The following TRABD2B variants were observed in gnomAD, a reference collection of about 807,000 sequenced individuals.
TRABD2B encodes the protein metalloprotease TIKI2.
A neutral mutation model predicts 40.1 loss-of-function variants in TRABD2B; 14 were observed. The ratio of observed to expected loss-of-function variants is 0.35; its 90% CI spans 0.23 to 0.55. The LOEUF (loss-of-function observed/expected upper bound fraction) is 0.55, where lower values mean the gene tolerates loss of function less well. Ranked by LOEUF, TRABD2B falls within the 20% of genes least tolerant of loss-of-function variation. TRABD2B has a pLI of 0.90. For synonymous variants in TRABD2B, 263 were observed against 277.0 expected (o/e 0.95, Z 0.50); for missense variants, 541 against 648.6 (o/e 0.83, Z 1.80).
intron 2 of TRABD2B, among the ~76,000 whole-genome samples, chr1:47,899,560 T>C (rs1272789468): frequency 1.3e-5 from 2 of 152,182 alleles, no homozygotes; most frequent in Non-Finnish European, 2.9e-5. Context: ...CCCATGAATC[T>C]TGGGAGCAGT....
chr1:47,897,419 G>C lies in TRABD2B; in HGVS notation c.667-95800C>G, dbSNP rs554897023. 1.2e-4 allele frequency among the ~76,000 whole-genome samples: 18 copies of C among 152,270 alleles called. No homozygotes were observed. The East Asian group carries it at 3.3e-3, about 28-fold the overall frequency. On this transcript the variant is annotated intron_variant, in intron 2 of 6. Transcript: ENST00000606738. Reference sequence around the variant, plus strand: ...CCTGCGGAATGGCCCTGATGGATGAGGAGGAGTTCACCGAGCCAAGAAGCA... The same window carrying C: ...CCTGCGGAATGGCCCTGATGGATGACGAGGAGTTCACCGAGCCAAGAAGCA...
chr1:47,885,692 G>A (rs971412674), intron 2 of TRABD2B, among the ~76,000 whole-genome samples: 1 of 152,066 alleles, frequency 6.6e-6, no homozygotes. Flanking sequence ...ACACTTGGAG[G>A]GCAGCAGCCT....
rs559298892 is a variant in TRABD2B at position 47,763,876 on chromosome 1, T to A, written c.*2026A>T. On this transcript the variant is annotated 3_prime_UTR_variant, in exon 7 of 7. Coordinates refer to ENST00000606738, the MANE Select transcript of TRABD2B (RefSeq NM_001194986.2). Reference sequence around the variant, plus strand: ...AGCTAAGCCCCTTCCCGCTCAGAAATAGGAAGTCACATTTTTGCCAAGGAT... The same window carrying A: ...AGCTAAGCCCCTTCCCGCTCAGAAAAAGGAAGTCACATTTTTGCCAAGGAT... 1 of 152,340 alleles carries A rather than the reference T, an allele frequency of 6.6e-6. No individual in the cohort carries two copies. Among genetic ancestry groups the A allele is most frequent in the African/African-American group, 2.4e-5 (1 of 41,568 alleles). 9.4% of individuals were successfully genotyped at this position (152,340 alleles called of 1,614,324 possible).
chr1:47,820,143 T>TC (rs1002666925), intron 2 of TRABD2B: 8 of 152,212 alleles, frequency 5.3e-5, no homozygotes, highest in African/African-American at 1.9e-4. Context: ...GGTAAGACCC[T>TC]CCTTCCATGA....
intron 2 of TRABD2B, among the ~76,000 whole-genome samples, chr1:47,835,970 GT>G (rs1166221541): frequency 5.3e-5 from 8 of 152,192 alleles, no homozygotes; most frequent in Admixed American, 5.2e-4. Context: ...CATAAAAGCA[GT>G]TATAAATCTA....
chr1:47,793,973 CATG>C (rs1351934673), intron 4 of TRABD2B, among the ~76,000 whole-genome samples: 1 of 152,224 alleles, frequency 6.6e-6, no homozygotes, highest in Non-Finnish European at 1.5e-5. Flanking sequence ...TCATCATCAT[CATG>C]ATGATCATTG....
intron 2 of TRABD2B, among the ~76,000 whole-genome samples, chr1:47,849,091 G>A (rs1315497294): frequency 4.6e-5 from 7 of 152,216 alleles, no homozygotes; most frequent in Non-Finnish European, 8.8e-5. Context: ...CAGCAGTTAA[G>A]TGGCTGATAA....
intron 2 of TRABD2B, among the ~76,000 whole-genome samples, chr1:47,828,124 G>A (rs1384451353): frequency 1.3e-5 from 2 of 152,150 alleles, no homozygotes; most frequent in Non-Finnish European, 2.9e-5. Flanking sequence ...GGAGCATAAG[G>A]GCTCAGTCCA....
intron 2 of TRABD2B, among the ~76,000 whole-genome samples, chr1:47,952,548 A>G (rs1645360518): frequency 6.6e-6 from 1 of 152,068 alleles, no homozygotes; most frequent in South Asian, 2.1e-4. Context: ...TGCTCTTTGT[A>G]TGGCAGTTCC....
chr1:47,816,789 A>T (rs936965328), intron 2 of TRABD2B, among the ~76,000 whole-genome samples: 5 of 152,228 alleles, frequency 3.3e-5, no homozygotes, highest in Admixed American at 2.6e-4. Flanking sequence ...GTTTGTCACA[A>T]GTATTTCATT....
rs1644249778 is a variant in TRABD2B at position 47,762,062 on chromosome 1, C to T, written c.*3840G>A. On this transcript the variant is annotated 3_prime_UTR_variant, in exon 7 of 7. Transcript: ENST00000606738. ...TATTGTGATAGATGCTAAGAAAGCA[C>T]AAAGGAATGGGAGGGGGCTTCCTGG... The T allele has an allele frequency of 6.6e-6, 1 of 152,038 alleles. No individual in the cohort carries two copies. The highest frequency in any genetic ancestry group is 1.5e-5 in the Non-Finnish European group (1 of 68,034). 9.4% of individuals were successfully genotyped at this position (152,038 alleles called of 1,614,324 possible). A position where few individuals can be genotyped will look rare whatever the true frequency, so the allele number is the denominator to read the frequency against.
chr1:47,781,450 T>C (rs1261067511), intron 4 of TRABD2B, among the ~76,000 whole-genome samples: 1 of 152,212 alleles, frequency 6.6e-6, no homozygotes, highest in African/African-American at 2.4e-5. Flanking sequence ...GCCCGGCCGA[T>C]GGTGCAGGCC....
chr1:47,801,371 T>C, intron 3 of TRABD2B, 102 bp downstream of exon 3: 2 of 1,255,844 alleles, frequency 1.6e-6, no homozygotes, highest in Non-Finnish European at 2.2e-6. Context: ...GGAATAACGA[T>C]AGCTCCTTCT....
At chr1:47,903,213 G>C (rs1052362636) in intron 2 of TRABD2B, among the ~76,000 whole-genome samples, 2 of 152,132 alleles carry the variant, frequency 1.3e-5, no homozygotes, top group Non-Finnish European at 2.9e-5. Flanking sequence ...GGGCACCCTT[G>C]AGAGTGTACG....
intron 2 of TRABD2B, among the ~76,000 whole-genome samples, chr1:47,802,980 C>T (rs1644842519): frequency 6.6e-6 from 1 of 152,144 alleles, no homozygotes; most frequent in Non-Finnish European, 1.5e-5. Flanking sequence ...GGCTTTCATG[C>T]CTCCAAATAC....
At chr1:47,817,297 C>T (rs1645046865) in intron 2 of TRABD2B, among the ~76,000 whole-genome samples, 1 of 151,980 alleles carries the variant, frequency 6.6e-6, no homozygotes, top group Admixed American at 6.5e-5. Flanking sequence ...ATGGAAGGAG[C>T]ACACTGGGAA....
intron 2 of TRABD2B, among the ~76,000 whole-genome samples, chr1:47,962,720 G>T (rs758958109): frequency 6.6e-6 from 1 of 152,340 alleles, no homozygotes; most frequent in Middle Eastern, 3.4e-3. Context: ...AAGTGGTGAA[G>T]TTAGCACACA....
chr1:47,784,644 C>T (rs1239404511), intron 4 of TRABD2B, among the ~76,000 whole-genome samples: 1 of 152,192 alleles, frequency 6.6e-6, no homozygotes, highest in Non-Finnish European at 1.5e-5. Context: ...GGCCGGATAT[C>T]AAGCTATGGC....
chr1:47,822,223 T>A (rs530993695), intron 2 of TRABD2B, among the ~76,000 whole-genome samples: 20 of 152,058 alleles, frequency 1.3e-4, no homozygotes, highest in Non-Finnish European at 2.6e-4. Flanking sequence ...GCCTGACCGA[T>A]CCACTACACA....
Sources: allele counts gnomAD v4.1 joint callset (sites outside exome capture counted in the v4.1 genomes callset), GRCh38; gene constraint gnomAD v4.1.1; transcripts MANE v1.5; gene names NCBI Gene and HGNC (gene_info 2026-07-23, HGNC 2026-07-21).